Variants in CUEDC1 observed in about 807,000 individuals in gnomAD.
CUEDC1 encodes CUE domain-containing protein 1.
A neutral mutation model predicts 43.7 loss-of-function variants in CUEDC1; 30 were observed. The ratio of observed to expected loss-of-function variants is 0.69; its 90% CI spans 0.51 to 0.93. The LOEUF (loss-of-function observed/expected upper bound fraction) is 0.93. Ranked by LOEUF, CUEDC1 falls within the 40% of genes least tolerant of loss-of-function variation. CUEDC1 has a pLI of 0.00. For synonymous variants in CUEDC1, 223 were observed against 223.6 expected (o/e 1.00, Z 0.02); for missense variants, 486 against 549.0 (o/e 0.89, Z 1.15).
chr17:57,890,497 G>A (rs776840038), intron 1 of CUEDC1, among the ~76,000 whole-genome samples: 6 of 152,218 alleles, frequency 3.9e-5, no homozygotes, highest in Admixed American at 3.9e-4. Context: ...CAGACCTCTC[G>A]GAGGCTGACT....
At position 57,884,225 on chromosome 17, in the gene CUEDC1, C is replaced by T. The variant is rs1209770978; in HGVS notation, c.336+1004G>A. ...TTTTTTTTTTTTTTTTGAGACGGAG[C>T]CTTGTTCTGTCACCCAGGCTGGAGT... On this transcript the variant is annotated intron_variant, in intron 2 of 10. Transcript: ENST00000577830. Among the ~76,000 whole-genome samples, 9 of 110,102 alleles carry T rather than the reference C, an allele frequency of 8.2e-5. No individual in the cohort carries two copies. The Admixed American group carries it at 8.5e-4, about 10-fold the overall frequency. 72.2% of individuals were successfully genotyped at this position (110,102 alleles called of 152,430 possible). A position where few individuals can be genotyped will look rare whatever the true frequency, so the allele number is the denominator to read the frequency against.
At chr17:57,872,593 A>G in intron 5 of CUEDC1, 70 bp downstream of exon 5, 1 of 1,561,234 alleles carries the variant, frequency 6.4e-7, no homozygotes, top group Non-Finnish European at 8.7e-7. Context: ...TGTTTTCCTG[A>G]GCCCCAAGGC....
chr17:57,876,548 G>A (rs1013716163), intron 3 of CUEDC1, among the ~76,000 whole-genome samples: 3 of 152,180 alleles, frequency 2.0e-5, no homozygotes, highest in East Asian at 3.8e-4. Context: ...CTCAGCACGT[G>A]GTTCACACAC....
At chr17:57,888,047 C>T (rs1410450060) in intron 1 of CUEDC1, among the ~76,000 whole-genome samples, 1 of 151,372 alleles carries the variant, frequency 6.6e-6, no homozygotes, top group Non-Finnish European at 1.5e-5. Context: ...ACTACAGGCA[C>T]GTGCCACCAC....
intron 1 of CUEDC1, among the ~76,000 whole-genome samples, chr17:57,919,826 A>G (rs749516145): frequency 4.6e-5 from 7 of 150,824 alleles, no homozygotes; most frequent in Non-Finnish European, 8.8e-5. Context: ...CCTGATGACG[A>G]GGAGGACATT....
chr17:57,940,713 A>G (rs943860929), intron 1 of CUEDC1, among the ~76,000 whole-genome samples: 3 of 152,230 alleles, frequency 2.0e-5, no homozygotes, highest in Admixed American at 2.0e-4. Flanking sequence ...CATTTGTTTA[A>G]CATTCATCTG....
At chr17:57,936,418 A>G (rs1478553008) in intron 1 of CUEDC1, among the ~76,000 whole-genome samples, 2 of 152,132 alleles carry the variant, frequency 1.3e-5, no homozygotes, top group African/African-American at 2.4e-5. Flanking sequence ...CAGTTTCGCA[A>G]TGGAAGCACT....
chr17:57,914,855 G>A (rs2074621633), intron 1 of CUEDC1, among the ~76,000 whole-genome samples: 2 of 152,214 alleles, frequency 1.3e-5, no homozygotes, highest in South Asian at 4.1e-4. Flanking sequence ...AACTCTGAGT[G>A]GCATTAAAGT....
intron 1 of CUEDC1, among the ~76,000 whole-genome samples, chr17:57,928,869 CTG>C (rs1013129484): frequency 6.6e-6 from 1 of 151,958 alleles, no homozygotes; most frequent in African/African-American, 2.4e-5. Context: ...ATTTCCTACT[CTG>C]TGTTTATTAC....
intron 1 of CUEDC1, among the ~76,000 whole-genome samples, chr17:57,938,865 T>C (rs1317211454): frequency 6.6e-6 from 1 of 151,386 alleles, no homozygotes; most frequent in Non-Finnish European, 1.5e-5. Context: ...TTTTTCCATG[T>C]TGGTCAGGCT....
intron 2 of CUEDC1, among the ~76,000 whole-genome samples, chr17:57,882,816 G>A (rs1009560195): frequency 1.3e-5 from 2 of 152,040 alleles, no homozygotes; most frequent in African/African-American, 2.4e-5. Flanking sequence ...TTACTTTATT[G>A]TAGGAATACA....
chr17:57,901,068 A>G (rs1217068021), intron 1 of CUEDC1, among the ~76,000 whole-genome samples: 1 of 152,192 alleles, frequency 6.6e-6, no homozygotes, highest in Non-Finnish European at 1.5e-5. Context: ...GGTCATTCTG[A>G]TACACAGTAA....
chr17:57,951,038 T>G (rs1343687097), intron 1 of CUEDC1, among the ~76,000 whole-genome samples: 1 of 151,814 alleles, frequency 6.6e-6, no homozygotes, highest in Non-Finnish European at 1.5e-5. Flanking sequence ...ACCCATGACA[T>G]TTCAGTCTCC....
intron 1 of CUEDC1, among the ~76,000 whole-genome samples, chr17:57,925,617 A>T (rs1450963025): frequency 2.0e-5 from 3 of 152,180 alleles, no homozygotes; most frequent in Non-Finnish European, 4.4e-5. Context: ...AGAGACCCCC[A>T]GCAGACGAAG....
At chr17:57,891,956 G>A (rs889378489) in intron 1 of CUEDC1, among the ~76,000 whole-genome samples, 4 of 152,202 alleles carry the variant, frequency 2.6e-5, no homozygotes, top group Non-Finnish European at 5.9e-5. Context: ...GAAGGCAGGG[G>A]CTTTGCTATA....
chr17:57,865,968 G>A (rs1467887127), intron 10 of CUEDC1, among the ~76,000 whole-genome samples: 1 of 151,908 alleles, frequency 6.6e-6, no homozygotes, highest in East Asian at 1.9e-4. Flanking sequence ...GATTACAGGC[G>A]CTTGCCACCA....
At chr17:57,939,147 A>C (rs1433457106) in intron 1 of CUEDC1, among the ~76,000 whole-genome samples, 1 of 150,792 alleles carries the variant, frequency 6.6e-6, no homozygotes, top group African/African-American at 2.4e-5. Flanking sequence ...TTTGTATTTT[A>C]GTAGAGACGG....
rs530965062 is a variant in CUEDC1 at position 57,930,614 on chromosome 17, C to G, written c.-316+24611G>C. On this transcript the variant is annotated intron_variant, in intron 1 of 10. Transcript: ENST00000577830. The surrounding 1 kb of genome is among the most constrained non-coding windows in gnomAD (Gnocchi z 4.2). ...TGGTTCTGCTCAAGCCAGACTGAAG[C>G]TGGGTCTCCAACAGTGATGGCCTGG... is the stretch of plus-strand genomic sequence containing the variant. Among the ~76,000 whole-genome samples the G allele has an allele frequency of 3.3e-5, 5 of 152,262 alleles. No individual in the cohort carries two copies. Among genetic ancestry groups the G allele is most frequent in the Admixed American group, 2.0e-4 (3 of 15,294 alleles).
chr17:57,941,290 GA>G (rs1171423114), intron 1 of CUEDC1, among the ~76,000 whole-genome samples: 2 of 152,220 alleles, frequency 1.3e-5, no homozygotes, highest in African/African-American at 2.4e-5. Flanking sequence ...CATAGCAGAG[GA>G]CTGAGCAGAG....
Sources: allele counts gnomAD v4.1 joint callset (sites outside exome capture counted in the v4.1 genomes callset), GRCh38; gene constraint gnomAD v4.1.1; non-coding constraint Gnocchi (gnomAD v3.1); transcripts MANE v1.5; gene names NCBI Gene and HGNC (gene_info 2026-07-23, HGNC 2026-07-21).